The following FRMD4B variants were observed in gnomAD, a reference collection of about 807,000 sequenced individuals.
The protein encoded by FRMD4B is FERM domain containing 4B.
In FRMD4B, 74 loss-of-function variants were observed where a neutral mutation model predicts 141.5. The ratio of observed to expected loss-of-function variants is 0.52; its 90% CI spans 0.43 to 0.63. FRMD4B has a LOEUF of 0.63. FRMD4B is among the 30% of genes least tolerant of loss of function. The pLI is 0.00. For missense variants in FRMD4B, 1,366 were observed against 1,253.4 expected, an observed-to-expected ratio of 1.09 and a Z score of -1.36; for synonymous variants, 506 against 467.9, an observed-to-expected ratio of 1.08 and a Z score of -1.05.
intron 4 of FRMD4B, 139 bp downstream of exon 4, chr3:69,302,204 T>A (rs1701238994): frequency 1.6e-6 from 1 of 631,428 alleles, no homozygotes. Flanking sequence ...CTTCACATGA[T>A]AATGTTTTGA....
chr3:69,200,945 C>G (rs2092959976), intron 11 of FRMD4B: 1 of 439,482 alleles, frequency 2.3e-6, no homozygotes, highest in African/African-American at 2.0e-5. Flanking sequence ...ACCTCCCCCT[C>G]TTATCACTTA....
At chr3:69,442,718 G>A (rs1452683272) in intron 1 of FRMD4B, among the ~76,000 whole-genome samples, 1 of 152,192 alleles carries the variant, frequency 6.6e-6, no homozygotes, top group Non-Finnish European at 1.5e-5. Context: ...TGCCCAAGAA[G>A]AGGGCATTGC....
chr3:69,492,001 A>T (rs1049636922), intron 1 of FRMD4B, among the ~76,000 whole-genome samples: 2 of 152,184 alleles, frequency 1.3e-5, no homozygotes, highest in African/African-American at 4.8e-5. Flanking sequence ...CCCCGCAAGT[A>T]CCAAGACAGT....
At chr3:69,480,796 C>G (rs375187652) in intron 1 of FRMD4B, among the ~76,000 whole-genome samples, 5 of 152,064 alleles carry the variant, frequency 3.3e-5, no homozygotes, top group Middle Eastern at 3.4e-3. Flanking sequence ...TTGTTTGTCT[C>G]TGCCCTGCCC....
At chr3:69,347,638 G>T (rs1702991514) in intron 1 of FRMD4B, among the ~76,000 whole-genome samples, 1 of 152,164 alleles carries the variant, frequency 6.6e-6, no homozygotes. Flanking sequence ...CGGTCTCTCA[G>T]ACCACAATGC....
At chr3:69,192,271 G>A (rs745922053) in intron 17 of FRMD4B, among the ~76,000 whole-genome samples, 2 of 152,066 alleles carry the variant, frequency 1.3e-5, no homozygotes, top group Admixed American at 6.6e-5. Context: ...AGCTGCTAGG[G>A]AGGCTGAGGT....
chr3:69,237,602 T>G (rs1366968467), intron 7 of FRMD4B, among the ~76,000 whole-genome samples: 2 of 151,974 alleles, frequency 1.3e-5, no homozygotes, highest in Non-Finnish European at 2.9e-5. Flanking sequence ...CTAGGCTTCA[T>G]GCATTTCTAG....
intron 2 of FRMD4B, among the ~76,000 whole-genome samples, chr3:69,403,999 A>G (rs113382342): frequency 0.036 from 5,443 of 152,212 alleles, 323 homozygotes; most frequent in African/African-American, 0.12. Flanking sequence ...GGGCTCAAGC[A>G]ATCTTCCTGC....
In FRMD4B at chr3:69,341,689, G is replaced by A. The variant is rs551961013; in HGVS notation, c.163-28172C>T. 2.6e-5 allele frequency among the ~76,000 whole-genome samples: 4 copies of A among 152,288 alleles called. 1 individual carries two copies. The highest frequency in any genetic ancestry group is 9.6e-5 in the African/African-American group (4 of 41,562). On this transcript the variant is annotated intron_variant, in intron 1 of 22. Coordinates refer to ENST00000398540, the MANE Select transcript of FRMD4B (RefSeq NM_015123.3). ...TTGCCAATGTCTGTAGTATTAAGAG[G>A]CAAGGCCTTTAGGAGGTGGTTAAAC...
chr3:69,466,008 A>G (rs1705779762), intron 1 of FRMD4B, among the ~76,000 whole-genome samples: 1 of 152,178 alleles, frequency 6.6e-6, no homozygotes. Flanking sequence ...CATTCCCACC[A>G]ACAGTGTAAA....
chr3:69,453,633 A>G (rs1705535117), intron 1 of FRMD4B, among the ~76,000 whole-genome samples: 1 of 152,208 alleles, frequency 6.6e-6, no homozygotes, highest in South Asian at 2.1e-4. Flanking sequence ...GTAGAAAACC[A>G]ATCTCAGCAT....
At chr3:69,316,230 T>A (rs986277296) in intron 1 of FRMD4B, among the ~76,000 whole-genome samples, 2 of 152,210 alleles carry the variant, frequency 1.3e-5, no homozygotes, top group Non-Finnish European at 2.9e-5. Context: ...TTACTTTGTC[T>A]CATGGCCTAA....
chr3:69,236,559 A>C (rs1372370820), intron 7 of FRMD4B, among the ~76,000 whole-genome samples: 1 of 152,160 alleles, frequency 6.6e-6, no homozygotes, highest in African/African-American at 2.4e-5. Context: ...ACACTTTTAC[A>C]TGAGCTGCAA....
intron 1 of FRMD4B, among the ~76,000 whole-genome samples, chr3:69,515,566 C>A (rs1159063466): frequency 6.6e-6 from 1 of 152,160 alleles, no homozygotes; most frequent in African/African-American, 2.4e-5. Flanking sequence ...CTTGCTCAAA[C>A]TGTTGCAGCT....
At chr3:69,336,317 T>C (rs1324366328) in intron 1 of FRMD4B, among the ~76,000 whole-genome samples, 1 of 152,188 alleles carries the variant, frequency 6.6e-6, no homozygotes, top group Non-Finnish European at 1.5e-5. Context: ...GCAATCTGTG[T>C]GTTCACAACC....
chr3:69,225,781 TCTAACTA>T (rs2093248710), intron 7 of FRMD4B, among the ~76,000 whole-genome samples: 1 of 143,060 alleles, frequency 7.0e-6, no homozygotes, highest in African/African-American at 2.6e-5. Context: ...GAGAAAATAC[TCTAACTA>T]CTGAGTATTT....
chr3:69,536,472 G>A lies in FRMD4B; in HGVS notation c.-129+5734C>T, dbSNP rs543981425. The A allele has an allele frequency of 2.1e-4, 148 of 701,304 alleles. 1 individual carries two copies. The highest frequency in any genetic ancestry group is 1.9e-3 in the African/African-American group (106 of 57,054). The allele number at this position is 701,304 out of a possible 1,614,324, so 43.4% of individuals were successfully genotyped here. The stretch of plus-strand genomic sequence containing the variant: ...ACTTGTGCAGGATGTAGAGCTTGAC[G>A]GCCACCGCCAACGTGCCCTAGCGCT... On this transcript the variant is annotated intron_variant, in intron 1 of 5. Coordinates refer to the FRMD4B transcript ENST00000459638.
chr3:69,514,300 A>T (rs1700709882), intron 1 of FRMD4B, among the ~76,000 whole-genome samples: 1 of 152,216 alleles, frequency 6.6e-6, no homozygotes, highest in Non-Finnish European at 1.5e-5. Flanking sequence ...AATTTCATTT[A>T]CCATGGCATC....
At chr3:69,202,134 C>T (rs915900658) in intron 11 of FRMD4B, among the ~76,000 whole-genome samples, 1 of 151,820 alleles carries the variant, frequency 6.6e-6, no homozygotes, top group South Asian at 2.1e-4. Flanking sequence ...ACCAGGTAGG[C>T]GGAGGTTGCA....
Sources: gnomAD v4.1 joint callset for allele counts (sites outside exome capture counted in the v4.1 genomes callset) on GRCh38, gnomAD v4.1.1 for gene constraint, MANE v1.5 for transcripts, NCBI Gene and HGNC (gene_info 2026-07-23, HGNC 2026-07-21) for gene names.